Variants in VEGFD observed in about 807,000 individuals in gnomAD.
VEGFD encodes the protein vascular endothelial growth factor D, also known as c-fos induced growth factor (vascular endothelial growth factor D).
VEGFD carries 26 observed loss-of-function variants against 28.0 expected under a neutral mutation model. The observed-to-expected ratio is 0.93, with a 90% CI of 0.68 to 1.29. The LOEUF (loss-of-function observed/expected upper bound fraction) is 1.29. Among genes scored for constraint, VEGFD ranks in the 50% most tolerant of loss-of-function variants. The pLI is 0.00. For missense variants in VEGFD, 294 were observed against 273.4 expected, an observed-to-expected ratio of 1.08 and a Z score of -0.53; for synonymous variants, 93 against 95.5, an observed-to-expected ratio of 0.97 and a Z score of 0.15.
At chrX:15,367,980 A>AAAAGAAAAAGAAAG (rs1384002854) in intron 1 of VEGFD, among the ~76,000 whole-genome samples, 1 of 54,574 alleles carries the variant, frequency 1.8e-5, no homozygotes, top group African/African-American at 8.0e-5. Flanking sequence ...GAAAGAAAGA[A>AAAAGAAAAAGAAAG]AAAGAAAAAG....
At chrX:15,382,087 A>G (rs779662617) in intron 1 of VEGFD, among the ~76,000 whole-genome samples, 12 of 111,564 alleles carry the variant, frequency 1.1e-4, no homozygotes, top group East Asian at 2.8e-4. Context: ...ATGGGAGGCC[A>G]AGGCGGGCAG....
intron 3 of VEGFD, among the ~76,000 whole-genome samples, chrX:15,357,080 TAC>T (rs1922886716): frequency 8.9e-6 from 1 of 112,065 alleles, no homozygotes; most frequent in Admixed American, 9.5e-5. Context: ...TAGTTTGATG[TAC>T]AGTTTTTTAG....
chrX:15,363,044 AAAGT>A (rs1331415461), intron 2 of VEGFD, 61 bp downstream of exon 2: 19 of 1,065,896 alleles, frequency 1.8e-5, no homozygotes, highest in Non-Finnish European at 2.2e-5. Context: ...ACTTTTGGAG[AAAGT>A]AAGTGTGTTT....
chrX:15,379,631 ACT>A (rs1247425497), intron 1 of VEGFD, among the ~76,000 whole-genome samples: 1 of 111,212 alleles, frequency 9.0e-6, no homozygotes, highest in Non-Finnish European at 1.9e-5. Flanking sequence ...TACAGTTTCC[ACT>A]CTCTCTGTTC....
At chrX:15,374,671 T>C (rs895961499) in intron 1 of VEGFD, among the ~76,000 whole-genome samples, 1 of 111,368 alleles carries the variant, frequency 9.0e-6, no homozygotes, top group Middle Eastern at 4.6e-3. Flanking sequence ...TATAAATCTA[T>C]ACATGTGTTA....
At chrX:15,365,352 T>C (rs1923120228) in intron 1 of VEGFD, among the ~76,000 whole-genome samples, 1 of 111,651 alleles carries the variant, frequency 9.0e-6, no homozygotes, top group Admixed American at 9.5e-5. Context: ...AGGCTGGTCT[T>C]GAACTCCTGG....
chrX:15,361,533 A>T (rs1923012526), intron 2 of VEGFD, among the ~76,000 whole-genome samples: 1 of 112,511 alleles, frequency 8.9e-6, no homozygotes, highest in African/African-American at 3.2e-5. Flanking sequence ...CCCCACAGCC[A>T]ACAACAGAGG....
In VEGFD at chrX:15,354,198, C is replaced by T. The variant is rs768576458; in HGVS notation, c.641+952G>A. Among the ~76,000 whole-genome samples, 436 of 110,146 alleles carry T rather than the reference C, an allele frequency of 4.0e-3. 3 individuals are homozygous for T. Among genetic ancestry groups the T allele is most frequent in the African/African-American group, 0.014 (413 of 30,197 alleles). ...GTGTTAGCCAGGATGGTCTCAATCT[C>T]CTGACCTCGTGATCTGCCCGCCTCA... On this transcript the variant is annotated intron_variant, in intron 4 of 6. Transcript: ENST00000297904.
chrX:15,368,945 T>C (rs1444356350), intron 1 of VEGFD, among the ~76,000 whole-genome samples: 2 of 112,013 alleles, frequency 1.8e-5, no homozygotes, highest in Non-Finnish European at 1.9e-5. Flanking sequence ...AGCTTCTAAA[T>C]TGGGAGGCTT....
chrX:15,371,945 A>C (rs1237580270), intron 1 of VEGFD, among the ~76,000 whole-genome samples: 1 of 112,373 alleles, frequency 8.9e-6, no homozygotes, highest in Non-Finnish European at 1.9e-5. Flanking sequence ...CGTAGTATGT[A>C]TCTGTAGCCC....
At chrX:15,377,189 T>C (rs779657147) in intron 1 of VEGFD, among the ~76,000 whole-genome samples, 1 of 112,384 alleles carries the variant, frequency 8.9e-6, no homozygotes, top group Admixed American at 9.4e-5. Context: ...TCATTTCCAC[T>C]CATATGCCTG....
At chrX:15,354,397 G>C (rs1569184033) in intron 4 of VEGFD, among the ~76,000 whole-genome samples, 1 of 110,973 alleles carries the variant, frequency 9.0e-6, no homozygotes, top group Admixed American at 9.6e-5. Flanking sequence ...GTGTCTTCTT[G>C]GTTCAATGTT....
At position 15,353,186 on chromosome X, in the gene VEGFD, T is replaced by C; in HGVS notation, c.642-18A>G. On this transcript the variant is annotated intron_variant, in intron 4 of 6. Transcript: ENST00000297904. Reference sequence around the variant, plus strand: ...GGGAACAGCTAGGAAAAGAAAACAATGAACCAGATTTAAAAGCTTTCAAGG... The same window carrying C: ...GGGAACAGCTAGGAAAAGAAAACAACGAACCAGATTTAAAAGCTTTCAAGG... 2 of 963,555 alleles carry C rather than the reference T, an allele frequency of 2.1e-6. No individual in the cohort carries two copies. Among genetic ancestry groups the C allele is most frequent in the Non-Finnish European group, 2.9e-6 (2 of 694,010 alleles). The allele number at this position is 963,555 out of a possible 1,213,427, so 79.4% of individuals were successfully genotyped here. A position where few individuals can be genotyped will look rare whatever the true frequency, so the allele number is the denominator to read the frequency against.
chrX:15,356,461 T>C (rs928916211), intron 3 of VEGFD, among the ~76,000 whole-genome samples: 2 of 112,292 alleles, frequency 1.8e-5, no homozygotes, highest in Non-Finnish European at 3.8e-5. Flanking sequence ...CTTAAGTACA[T>C]TGTATGAAAT....
chrX:15,363,405 T>A, intron 1 of VEGFD, 86 bp from the exon 2 acceptor site: 1 of 730,190 alleles, frequency 1.4e-6, no homozygotes, highest in Non-Finnish European at 2.0e-6. Context: ...CACTTAGAAG[T>A]GTAAATACAT....
chrX:15,368,093 AAG>A (rs1300571100), intron 1 of VEGFD, among the ~76,000 whole-genome samples: 1 of 107,827 alleles, frequency 9.3e-6, no homozygotes, highest in African/African-American at 3.4e-5. Context: ...AAAAGAAAGA[AAG>A]AAAGAAAAGA....
chrX:15,355,094 T>G, intron 4 of VEGFD, 56 bp downstream of exon 4: 1 of 1,041,986 alleles, frequency 9.6e-7, no homozygotes. Flanking sequence ...ACACACAGTT[T>G]TGGCAAGGCA....
chrX:15,355,405 A>G lies in VEGFD; in HGVS notation c.493-107T>C, dbSNP rs978794082. On this transcript the variant is annotated intron_variant, in intron 3 of 6. Coordinates refer to ENST00000297904, the MANE Select transcript of VEGFD (RefSeq NM_004469.5). ...CTTTGTCATTTACGGCAATGACTTT[A>G]GCCAAGTTGTCCATTAAGAATGGAA... 3 of 612,506 alleles carry G rather than the reference A, an allele frequency of 4.9e-6. No individual in the cohort carries two copies. The African/African-American group carries it at 7.2e-5, about 15-fold the overall frequency. 50.5% of individuals were successfully genotyped at this position (612,506 alleles called of 1,213,427 possible).
intron 1 of VEGFD, among the ~76,000 whole-genome samples, chrX:15,382,543 C>G (rs6632519): frequency 4.5e-5 from 5 of 110,416 alleles, no homozygotes; most frequent in Non-Finnish European, 9.5e-5. Flanking sequence ...ATTTCTGTTT[C>G]ATGAACTTAC....
Sources: gnomAD v4.1 joint callset for allele counts (sites outside exome capture counted in the v4.1 genomes callset) on GRCh38, gnomAD v4.1.1 for gene constraint, MANE v1.5 for transcripts, NCBI Gene and HGNC (gene_info 2026-07-23, HGNC 2026-07-21) for gene names.